The following ROBO2 variants were observed in gnomAD, a reference collection of about 807,000 sequenced individuals.
ROBO2 encodes the protein roundabout guidance receptor 2.
A neutral mutation model predicts 160.8 loss-of-function variants in ROBO2; 53 were observed. The observed-to-expected ratio is 0.33, with a 90% CI of 0.26 to 0.41. The LOEUF (loss-of-function observed/expected upper bound fraction) is 0.41, where lower values mean the gene tolerates loss of function less well. Among genes scored for constraint, ROBO2 ranks in the 10% least tolerant of loss-of-function variants. The pLI is 1.00. For missense variants in ROBO2, 1,577 were observed against 1,722.4 expected (o/e 0.92, Z 1.49); for synonymous variants, 664 against 611.7 (o/e 1.09, Z -1.26).
chr3:77,035,267 T>A (rs1433805687), upstream of ROBO2, among the ~76,000 whole-genome samples: 1 of 151,876 alleles, frequency 6.6e-6, no homozygotes, highest in East Asian at 1.9e-4. Flanking sequence ...TAAAATCTCA[T>A]CCATGACCTC....
chr3:77,313,264 A>G (rs2063702098), intron 2 of ROBO2, among the ~76,000 whole-genome samples: 1 of 152,220 alleles, frequency 6.6e-6, no homozygotes, highest in African/African-American at 2.4e-5. Context: ...ACAATTGTAC[A>G]TATTTGTGAG....
At chr3:75,961,028 T>C (rs1948892165) in intron 2 of ROBO2, among the ~76,000 whole-genome samples, 1 of 151,664 alleles carries the variant, frequency 6.6e-6, no homozygotes, top group Non-Finnish European at 1.5e-5. Flanking sequence ...AACTCTTTAT[T>C]CAGTAAGTTA....
chr3:77,546,339 T>C, exon 7 of ROBO2: 1 of 1,612,958 alleles, frequency 6.2e-7, no homozygotes, highest in Non-Finnish European at 8.5e-7. Context: ...AAATTATAGC[T>C]CCCCCACAGT....
intron 2 of ROBO2, among the ~76,000 whole-genome samples, chr3:76,022,267 T>C (rs1327771246): frequency 6.6e-6 from 1 of 151,782 alleles, no homozygotes; most frequent in Non-Finnish European, 1.5e-5. Flanking sequence ...CTCAAAGTCA[T>C]CTATGAGAGT....
chr3:76,631,886 A>G (rs1249473887), intron 2 of ROBO2, among the ~76,000 whole-genome samples: 1 of 152,234 alleles, frequency 6.6e-6, no homozygotes, highest in Non-Finnish European at 1.5e-5. Context: ...CAGCCAGGAA[A>G]GAAAGAATGT....
chr3:76,379,417 G>A (rs920323254), intron 2 of ROBO2, among the ~76,000 whole-genome samples: 1 of 151,874 alleles, frequency 6.6e-6, no homozygotes, highest in Non-Finnish European at 1.5e-5. Flanking sequence ...TTTCTATGTA[G>A]AACAAATTGA....
intron 2 of ROBO2, among the ~76,000 whole-genome samples, chr3:76,829,487 AG>A (rs1461728724): frequency 1.3e-5 from 2 of 152,004 alleles, no homozygotes; most frequent in Admixed American, 6.6e-5. Context: ...ATAAAAAAAA[AG>A]AAAGAAAGAA....
At chr3:76,320,160 T>A (rs2072397882) in intron 2 of ROBO2, among the ~76,000 whole-genome samples, 2 of 152,124 alleles carry the variant, frequency 1.3e-5, no homozygotes, top group Admixed American at 6.5e-5. Flanking sequence ...TAGGATATTA[T>A]CCAATTCACT....
rs56271044 is a variant in ROBO2, at chr3:77,248,777, C to CTTTT, written c.388+150452_388+150455dup. Among the ~76,000 whole-genome samples, 141 of 141,590 alleles carry CTTTT rather than the reference C, an allele frequency of 1.0e-3. 2 individuals are homozygous for CTTTT. The highest frequency in any genetic ancestry group is 3.8e-3 in the Middle Eastern group (1 of 262). 92.9% of individuals were successfully genotyped at this position (141,590 alleles called of 152,430 possible). On this transcript the variant is annotated intron_variant, in intron 2 of 25. Transcript: ENST00000461745. ...AATAGCTGCTTCAACATCACTTGCT[C>CTTTT]TTTTTTTTTTTTTTTTTTGAAGGAA...
intron 2 of ROBO2, among the ~76,000 whole-genome samples, chr3:76,664,146 A>G (rs2091932143): frequency 6.6e-6 from 1 of 152,210 alleles, no homozygotes; most frequent in African/African-American, 2.4e-5. Context: ...TGTGAAAATT[A>G]AACAGGCAAC....
intron 2 of ROBO2, among the ~76,000 whole-genome samples, chr3:76,836,596 C>A (rs1018121136): frequency 2.0e-5 from 3 of 151,580 alleles, no homozygotes; most frequent in Admixed American, 1.3e-4. Flanking sequence ...TTAGAGAGTA[C>A]AAATACTTTC....
intron 2 of ROBO2, among the ~76,000 whole-genome samples, chr3:76,555,425 G>GAAGAGGAAGAAGAAGAAGAAGAAGAA (rs1399867100): frequency 1.5e-5 from 1 of 68,472 alleles, no homozygotes; most frequent in Non-Finnish European, 3.3e-5. Flanking sequence ...AAGAAAGAAG[G>GAAGAGGAAGAAGAAGAAGAAGAAGAA]AGAAGGGGAA....
intron 2 of ROBO2, among the ~76,000 whole-genome samples, chr3:76,286,063 T>A (rs1440850769): frequency 1.3e-5 from 2 of 152,196 alleles, no homozygotes; most frequent in East Asian, 3.9e-4. Context: ...TCCTAAGTAG[T>A]TCACAGTTCA....
rs140639777 is a variant in ROBO2 at position 77,534,450 on chromosome 3, A to T, written c.934+11548A>T. On this transcript the variant is annotated intron_variant, in intron 6 of 25. Coordinates refer to ENST00000461745, the Ensembl canonical transcript of ROBO2. ...GTTTCACTGGCTGTGTCCAGAAAAA[A>T]ATCACATTAACTTTGAATTATGTAT... Among the ~76,000 whole-genome samples, 355 of 152,258 alleles carry T rather than the reference A, an allele frequency of 2.3e-3. 1 individual carries two copies. The highest frequency in any genetic ancestry group is 4.3e-3 in the Non-Finnish European group (295 of 68,000).
chr3:77,187,766 TAAA>T (rs983746295), intron 2 of ROBO2, among the ~76,000 whole-genome samples: 1 of 151,912 alleles, frequency 6.6e-6, no homozygotes, highest in Non-Finnish European at 1.5e-5. Context: ...TTTTCAAGAA[TAAA>T]AAAGTGTATT....
intron 2 of ROBO2, among the ~76,000 whole-genome samples, chr3:77,253,023 G>A (rs2153308731): frequency 6.6e-6 from 1 of 151,360 alleles, no homozygotes; most frequent in East Asian, 1.9e-4. Flanking sequence ...GTATTTGTGG[G>A]GCATTTTAAG....
chr3:76,934,958 A>ATTTTTTTTTTTTTT lies in ROBO2; in HGVS notation c.110-163056_110-163055insTTTTTTTTTTTTTT, dbSNP rs151316771. 3.4e-5 allele frequency among the ~76,000 whole-genome samples: 5 copies of ATTTTTTTTTTTTTT among 146,730 alleles called. 1 individual carries two copies. On this transcript the variant is annotated intron_variant, in intron 2 of 26. Coordinates refer to the ROBO2 transcript ENST00000487694. ...TTTTGAAATAATTTCAGGCTTCACA[A>ATTTTTTTTTTTTTT]ATTTTTTTTTTTTTAGACCATCTCA...
At chr3:76,179,391 G>T (rs1307770177) in intron 2 of ROBO2, among the ~76,000 whole-genome samples, 1 of 152,180 alleles carries the variant, frequency 6.6e-6, no homozygotes, top group African/African-American at 2.4e-5. Flanking sequence ...CAGTGTTCCA[G>T]ATGGTTCTAT....
intron 2 of ROBO2, chr3:77,317,445 G>A: frequency 4.0e-6 from 6 of 1,514,922 alleles, no homozygotes; most frequent in South Asian, 1.1e-5. Context: ...CAGACTGCCC[G>A]TCACTTTGGT....
Sources: gnomAD v4.1 joint callset for allele counts (sites outside exome capture counted in the v4.1 genomes callset) on GRCh38, gnomAD v4.1.1 for gene constraint, MANE v1.5 for transcripts, NCBI Gene and HGNC (gene_info 2026-07-23, HGNC 2026-07-21) for gene names.